ZNF607: variants seen among roughly 807,000 people sequenced by gnomAD.
ZNF607 encodes the protein zinc finger protein 607.
Under a neutral mutation model 12.8 loss-of-function variants are expected in ZNF607, and 5 were observed. That is an observed-to-expected ratio of 0.39 (90% CI 0.20 to 0.82). ZNF607 has a LOEUF of 0.82. Among genes scored for constraint, ZNF607 ranks in the 40% least tolerant of loss-of-function variants. The probability of loss-of-function intolerance (pLI) is 0.39; values close to 1 mark genes in which losing one functional copy is unlikely to be tolerated. For missense variants in ZNF607, 851 were observed against 859.2 expected, an observed-to-expected ratio of 0.99 and a Z score of 0.12; for synonymous variants, 287 against 276.2, an observed-to-expected ratio of 1.04 and a Z score of -0.39.
At chr19:37,704,647 T>C (rs181298892) in intron 4 of ZNF607, among the ~76,000 whole-genome samples, 19 of 152,338 alleles carry the variant, frequency 1.2e-4, no homozygotes, top group African/African-American at 4.1e-4. Context: ...CTAACATCTA[T>C]GTTAGCATAA....
chr19:37,707,309 T>C (rs1351198530), intron 4 of ZNF607, among the ~76,000 whole-genome samples: 1 of 152,010 alleles, frequency 6.6e-6, no homozygotes, highest in Non-Finnish European at 1.5e-5. Context: ...CTGGGCAACA[T>C]AGTGAGACCC....
chr19:37,700,649 G>A (rs1275257101), intron 4 of ZNF607, among the ~76,000 whole-genome samples: 1 of 152,116 alleles, frequency 6.6e-6, no homozygotes, highest in Non-Finnish European at 1.5e-5. Flanking sequence ...GGAGTTCAGA[G>A]TGAATATTTA....
Position 37,698,173 on chromosome 19 carries a change from G to A in ZNF607, c.1958C>T (p.Ala653Val). 1 of 1,613,998 alleles carries A rather than the reference G, an allele frequency of 6.2e-7. No homozygotes were observed. Residue 653 changes from alanine to valine, a missense_variant, in exon 5 of 5, where the codon GCT becomes GTT. By Grantham distance (64) the Ala-to-Val change is moderately conservative (BLOSUM62 0). Transcript: ENST00000355202. ...ACTAAGTTCATGGCTACTATTAAAA[G>A]CTTTCCCACACTCTTCACACATATA... Reference protein sequence around the residue: ...NPYMCEECGKAFNSSHELSIH... With the variant: ...NPYMCEECGKVFNSSHELSIH...
rs369496883 is a variant in ZNF607 at position 37,699,924 on chromosome 19, T to C, written c.236-29A>G. On this transcript the variant is annotated intron_variant, in intron 4 of 4. Transcript: ENST00000355202. ...GAAGACATAAAATAAAAACATTTTA[T>C]TGGATGAGAAAATGTCAATGTTATT... 1.0e-5 allele frequency: 15 copies of C among 1,490,706 alleles called. No individual in the cohort carries two copies. The South Asian group carries it at 1.6e-4, about 16-fold the overall frequency. The allele number at this position is 1,490,706 out of a possible 1,614,324, so 92.3% of individuals were successfully genotyped here.
intron 4 of ZNF607, 124 bp from the exon 5 acceptor site, chr19:37,700,019 T>C (rs999107378): frequency 1.1e-6 from 1 of 947,480 alleles, no homozygotes; most frequent in Non-Finnish European, 1.5e-6. Context: ...ATATAAAAAA[T>C]GAAAGGAGAG....
At chr19:37,708,139 T>A in intron 3 of ZNF607, 127 bp from the exon 4 acceptor site, 1 of 654,034 alleles carries the variant, frequency 1.5e-6, no homozygotes. Flanking sequence ...GTGAGGGAAA[T>A]AAAGAAAAAG....
In ZNF607 at chr19:37,697,357, A is replaced by AG; in HGVS notation, c.*682dup. On this transcript the variant is annotated 3_prime_UTR_variant, in exon 5 of 5. Coordinates refer to ENST00000355202, the MANE Select transcript of ZNF607 (RefSeq NM_032689.5). ...TTCACCATGCCTCCTGCAACAGCTA[A>AG]GGCCAGGCCAAACTTGCCGATGGAC... The AG allele has an allele frequency of 1.3e-6, 2 of 1,516,938 alleles. No individual in the cohort carries two copies. Among genetic ancestry groups the AG allele is most frequent in the Non-Finnish European group, 1.8e-6 (2 of 1,106,266 alleles). 94.0% of individuals were successfully genotyped at this position (1,516,938 alleles called of 1,614,324 possible).
At position 37,696,893 on chromosome 19, in the gene ZNF607, C is replaced by CA; in HGVS notation, c.*1146dup. The CA allele has an allele frequency of 1.5e-6, 1 of 689,558 alleles. No individual in the cohort carries two copies. The highest frequency in any genetic ancestry group is 2.6e-6 in the Non-Finnish European group (1 of 382,066). The allele number at this position is 689,558 out of a possible 1,614,324, so 42.7% of individuals were successfully genotyped here. On this transcript the variant is annotated 3_prime_UTR_variant, in exon 5 of 5. Coordinates refer to ENST00000355202, the MANE Select transcript of ZNF607 (RefSeq NM_032689.5). ...ACTCCTTCAAGAAGGTCAGATGTGTCAAAGACACGTCGTCCAGAATGAGCC... is the reference window on the plus strand; with the variant it reads ...ACTCCTTCAAGAAGGTCAGATGTGTCAAAAGACACGTCGTCCAGAATGAGCC...
rs2045008328 is a variant in ZNF607, at chr19:37,698,880, ACCGGT to A, written c.1246_1250del (p.Thr416Ter). ...ATTCCTTACATTTGTAGGGTTTCTC[ACCGGT>A]ATGAATATTTTGATGTATTTTAAGG... On this transcript the variant is annotated frameshift_variant, in exon 5 of 5. Transcript: ENST00000355202. LOFTEE classifies it low-confidence loss of function (END_TRUNC). 1 of 1,613,682 alleles carries A rather than the reference ACCGGT, an allele frequency of 6.2e-7. No individual in the cohort carries two copies. The highest frequency in any genetic ancestry group is 1.7e-5 in the Admixed American group (1 of 59,934).
At position 37,696,723 on chromosome 19, in the gene ZNF607, C is replaced by T. The variant is rs986803923; in HGVS notation, c.*1317G>A. 1.1e-6 allele frequency: 1 copy of T among 894,592 alleles called. No individual in the cohort carries two copies. The highest frequency in any genetic ancestry group is 1.8e-6 in the Non-Finnish European group (1 of 543,616). 55.4% of individuals were successfully genotyped at this position (894,592 alleles called of 1,614,324 possible). A position where few individuals can be genotyped will look rare whatever the true frequency, so the allele number is the denominator to read the frequency against. On this transcript the variant is annotated 3_prime_UTR_variant, in exon 5 of 5. Transcript: ENST00000355202. ...TGTCTTCTGCAGCTTCCAGCTTGCA[C>T]AGCTCGCTCTGGCCGTCCCCTGCAG...
chr19:37,717,078 A>G (rs981029968), intron 1 of ZNF607, among the ~76,000 whole-genome samples: 3 of 152,370 alleles, frequency 2.0e-5, no homozygotes, highest in East Asian at 3.9e-4. Flanking sequence ...TATGCTCAGT[A>G]AATGTAGCCA....
At chr19:37,713,408 G>A (rs555530854) in intron 1 of ZNF607, among the ~76,000 whole-genome samples, 116 of 151,876 alleles carry the variant, frequency 7.6e-4, no homozygotes, top group African/African-American at 2.7e-3. Context: ...TTCAGGTGTG[G>A]CGTAGTAGAA....
At chr19:37,700,002 TTATAAAA>T (rs2045025612) in intron 4 of ZNF607, 107 bp from the exon 5 acceptor site, 14 of 1,051,122 alleles carry the variant, frequency 1.3e-5, no homozygotes, top group African/African-American at 1.1e-4. Context: ...GAAAATACAG[TTATAAAA>T]TATAAAAAAT....
At chr19:37,716,023 T>C (rs553605387) in intron 1 of ZNF607, among the ~76,000 whole-genome samples, 62 of 152,306 alleles carry the variant, frequency 4.1e-4, no homozygotes, top group African/African-American at 1.4e-3. Flanking sequence ...TTGGATTGTT[T>C]TTCACCTCTG....
Position 37,696,775 on chromosome 19 carries a change from GC to G in ZNF607, c.*1264del. 1 of 1,340,618 alleles carries G rather than the reference GC, an allele frequency of 7.5e-7. No individual in the cohort carries two copies. The allele number at this position is 1,340,618 out of a possible 1,614,324, so 83.0% of individuals were successfully genotyped here. On this transcript the variant is annotated 3_prime_UTR_variant, in exon 5 of 5. Transcript: ENST00000355202. ...GGCCAGTGAGTTGGCGATCAGCTCA[GC>G]TGCCTTGGAGTCACCCTCAGCAGAG...
In ZNF607 at chr19:37,701,749, G is replaced by C. The variant is rs568414590; in HGVS notation, c.236-1854C>G. ...TATAACAGTAGCATACCCAGGTTTG[G>C]AGCCAGGCTCAATGGCTAATGCCTG... is the stretch of plus-strand genomic sequence containing the variant. On this transcript the variant is annotated intron_variant, in intron 4 of 4. Transcript: ENST00000355202. 4.8e-4 allele frequency among the ~76,000 whole-genome samples: 73 copies of C among 152,302 alleles called. No homozygotes were observed. The South Asian group carries it at 0.015, about 32-fold the overall frequency.
At chr19:37,715,653 C>T (rs1399301149) in intron 1 of ZNF607, among the ~76,000 whole-genome samples, 1 of 151,892 alleles carries the variant, frequency 6.6e-6, no homozygotes, top group African/African-American at 2.4e-5. Flanking sequence ...ATGCCCCTTT[C>T]CTTACTCCCC....
chr19:37,712,175 A>G (rs944685523), intron 1 of ZNF607, among the ~76,000 whole-genome samples: 1 of 152,226 alleles, frequency 6.6e-6, no homozygotes, highest in Non-Finnish European at 1.5e-5. Flanking sequence ...TTAAATATAT[A>G]ACAGACTATC....
At chr19:37,708,432 G>C (rs1227669478) in intron 3 of ZNF607, among the ~76,000 whole-genome samples, 1 of 151,802 alleles carries the variant, frequency 6.6e-6, no homozygotes, top group African/African-American at 2.4e-5. Context: ...CTGACCTTGT[G>C]ATCCGCTCAT....
Sources: gnomAD v4.1 joint callset for allele counts (sites outside exome capture counted in the v4.1 genomes callset) on GRCh38, gnomAD v4.1.1 for gene constraint, MANE v1.5 for transcripts, NCBI Gene and HGNC (gene_info 2026-07-23, HGNC 2026-07-21) for gene names.